The following PAMR1 variants were observed in gnomAD, a reference collection of about 807,000 sequenced individuals.
PAMR1 encodes the protein peptidase domain containing associated with muscle regeneration 1.
Under a neutral mutation model 81.8 loss-of-function variants are expected in PAMR1, and 88 were observed. The observed-to-expected ratio is 1.08, with a 90% confidence interval of 0.91 to 1.28. The LOEUF is 1.28. Ranked by LOEUF, PAMR1 falls within the 50% of genes most tolerant of loss-of-function variation. PAMR1 has a pLI of 0.00. For synonymous variants in PAMR1, 336 were observed against 345.3 expected, an observed-to-expected ratio of 0.97 and a Z score of 0.30; for missense variants, 935 against 919.7, an observed-to-expected ratio of 1.02 and a Z score of -0.21.
chr11:35,480,136 C>T (rs1472192689), intron 3 of PAMR1, among the ~76,000 whole-genome samples: 1 of 152,192 alleles, frequency 6.6e-6, no homozygotes, highest in East Asian at 1.9e-4. Flanking sequence ...CAAGTCAGTG[C>T]TCAATTACCA....
At chr11:35,453,425 C>A (rs1856462971) in intron 6 of PAMR1, 1 of 152,222 alleles carries the variant, frequency 6.6e-6, no homozygotes, top group Non-Finnish European at 1.5e-5. Context: ...ACATTCGTAT[C>A]TTTTAATCCT....
intron 4 of PAMR1, among the ~76,000 whole-genome samples, chr11:35,471,191 A>T (rs906119722): frequency 2.6e-5 from 4 of 151,890 alleles, no homozygotes; most frequent in African/African-American, 9.7e-5. Context: ...GGCTTCCCTG[A>T]CCACTCTTTC....
chr11:35,441,572 A>G lies in PAMR1; in HGVS notation c.942T>C (p.Phe314=), dbSNP rs146700269. ...HAKIGTVVSF[F]CNNSYVLSGN... ...CACTAAGAACATAGGAGTTGTTACA[A>G]AAGAAAGACACCACGGTGCCAATTT... is the stretch of plus-strand genomic sequence containing the variant. Residue 314 remains phenylalanine, a synonymous_variant, in exon 7 of 11, where the codon TTT becomes TTC. Coordinates refer to ENST00000619888, the MANE Select transcript of PAMR1 (RefSeq NM_001001991.3). 2.0e-4 allele frequency: 315 copies of G among 1,614,100 alleles called. 7 individuals are homozygous for G. The East Asian group carries it at 2.8e-3, about 14-fold the overall frequency.
In PAMR1 at chr11:35,440,863, A is replaced by G. The variant is rs116801094; in HGVS notation, c.1033+618T>C. Reference sequence around the variant, plus strand: ...GAATACCATCCCGACTCCTCTTCACATCTACAAATCCTCTCCAGCTTTCCA... The same window carrying G: ...GAATACCATCCCGACTCCTCTTCACGTCTACAAATCCTCTCCAGCTTTCCA... On this transcript the variant is annotated intron_variant, in intron 7 of 10. Coordinates refer to ENST00000619888, the MANE Select transcript of PAMR1 (RefSeq NM_001001991.3). 3.3e-3 allele frequency among the ~76,000 whole-genome samples: 500 copies of G among 152,178 alleles called. 3 individuals are homozygous for G. The highest frequency in any genetic ancestry group is 0.012 in the African/African-American group (482 of 41,518).
At chr11:35,499,542 C>T (rs564179042) in intron 1 of PAMR1, among the ~76,000 whole-genome samples, 3 of 152,298 alleles carry the variant, frequency 2.0e-5, no homozygotes, top group African/African-American at 4.8e-5. Flanking sequence ...TCCCTGTTTC[C>T]CCCTAAGCAG....
chr11:35,516,453 A>G lies in PAMR1; in HGVS notation c.73+9060T>C, dbSNP rs115963023. 6.4e-3 allele frequency among the ~76,000 whole-genome samples: 977 copies of G among 152,322 alleles called. 6 individuals are homozygous for G. The highest frequency in any genetic ancestry group is 0.023 in the African/African-American group (953 of 41,574). ...GATCATAGTTTCCCAAAATCCACTT[A>G]GGCAAGATGTCCTTTAAAGGAGCAG... On this transcript the variant is annotated intron_variant, in intron 1 of 10. Coordinates refer to ENST00000619888, the MANE Select transcript of PAMR1 (RefSeq NM_001001991.3).
At chr11:35,474,031 G>A (rs1033915746) in intron 4 of PAMR1, among the ~76,000 whole-genome samples, 3 of 152,280 alleles carry the variant, frequency 2.0e-5, no homozygotes, top group South Asian at 2.1e-4. Context: ...AGTCATGAAC[G>A]GTTCTCACAA....
At chr11:35,483,838 T>C (rs1284794638) in intron 3 of PAMR1, among the ~76,000 whole-genome samples, 2 of 152,200 alleles carry the variant, frequency 1.3e-5, no homozygotes, top group Non-Finnish European at 2.9e-5. Flanking sequence ...TCTGCAAAGA[T>C]TTAAACATGA....
At position 35,432,777 on chromosome 11, in the gene PAMR1, AGGCAGAT is replaced by A. The variant is rs1189762502; in HGVS notation, c.1735_1741del (p.Ile579SerfsTer27). On this transcript the variant is annotated frameshift_variant, in exon 11 of 11. Transcript: ENST00000619888. LOFTEE classifies it high-confidence loss of function. Reference sequence around the variant, plus strand: ...AGTGCTGAGATCCCGACTGGCAGCGAGGCAGATGGGCTGGACTCGGGTGCTGATACGG... The same window carrying A: ...AGTGCTGAGATCCCGACTGGCAGCGAGGGCTGGACTCGGGTGCTGATACGG... 10 of 1,612,696 alleles carry A rather than the reference AGGCAGAT, an allele frequency of 6.2e-6. 1 individual carries two copies. In the South Asian group the frequency reaches 1.1e-4, roughly 18 times the overall value.
At chr11:35,500,095 G>A (rs1850803057) in intron 1 of PAMR1, among the ~76,000 whole-genome samples, 1 of 152,210 alleles carries the variant, frequency 6.6e-6, no homozygotes. Context: ...GCATCCAGAA[G>A]GAATGCAGCC....
intron 3 of PAMR1, among the ~76,000 whole-genome samples, chr11:35,487,719 G>A (rs999677068): frequency 4.6e-5 from 7 of 152,154 alleles, no homozygotes; most frequent in African/African-American, 9.7e-5. Context: ...CAGAGAAAAC[G>A]GGAGAACTCA....
intron 6 of PAMR1, among the ~76,000 whole-genome samples, chr11:35,466,638 A>AATGGCGT (rs1299245926): frequency 2.0e-5 from 3 of 148,048 alleles, no homozygotes; most frequent in Non-Finnish European, 4.5e-5. Flanking sequence ...GAGGCAGGAG[A>AATGGCGT]ATGGCGTGAA....
intron 6 of PAMR1, among the ~76,000 whole-genome samples, chr11:35,459,509 G>A (rs1590336339): frequency 6.6e-6 from 1 of 152,110 alleles, no homozygotes; most frequent in African/African-American, 2.4e-5. Context: ...ACTACTGGGG[G>A]AAATGTTCCC....
chr11:35,473,340 G>A (rs545609046), intron 4 of PAMR1, among the ~76,000 whole-genome samples: 2 of 152,198 alleles, frequency 1.3e-5, no homozygotes, highest in East Asian at 1.9e-4. Context: ...ATCCTCCACC[G>A]TTTTGCTATT....
At chr11:35,494,339 G>A in intron 1 of PAMR1, 67 bp from the exon 2 acceptor site, 1 of 1,372,326 alleles carries the variant, frequency 7.3e-7, no homozygotes, top group Admixed American at 1.7e-5. Flanking sequence ...TTGTTTGTTT[G>A]TTTGTTTGTT....
At chr11:35,493,428 C>A (rs909885018) in intron 2 of PAMR1, among the ~76,000 whole-genome samples, 4 of 152,124 alleles carry the variant, frequency 2.6e-5, no homozygotes, top group Admixed American at 2.0e-4. Flanking sequence ...TCTCACTCTC[C>A]CTCTCCTTCT....
intron 6 of PAMR1, among the ~76,000 whole-genome samples, chr11:35,448,033 CT>C (rs1293479670): frequency 6.6e-6 from 1 of 152,190 alleles, no homozygotes; most frequent in Non-Finnish European, 1.5e-5. Flanking sequence ...ATGGCATTCC[CT>C]TTGTAGGTGA....
upstream of PAMR1, chr11:35,525,929 A>G (rs2135431811): frequency 3.0e-6 from 1 of 333,308 alleles, no homozygotes; most frequent in Non-Finnish European, 5.5e-6. Context: ...AGGAGGGGCC[A>G]TAGGACCCTG....
chr11:35,517,802 C>G (rs1183531511), intron 1 of PAMR1, among the ~76,000 whole-genome samples: 1 of 152,192 alleles, frequency 6.6e-6, no homozygotes, highest in Non-Finnish European at 1.5e-5. Flanking sequence ...TCCTGTTCAT[C>G]TTGATATTGC....
Sources: allele counts gnomAD v4.1 joint callset (sites outside exome capture counted in the v4.1 genomes callset), GRCh38; gene constraint gnomAD v4.1.1; transcripts MANE v1.5; gene names NCBI Gene and HGNC (gene_info 2026-07-23, HGNC 2026-07-21).